MUC5B: variants seen among roughly 807,000 people sequenced by gnomAD.
The protein encoded by MUC5B is mucin 5B, oligomeric mucus/gel-forming.
In MUC5B, 116 loss-of-function variants were observed where a neutral mutation model predicts 376.9. The observed-to-expected ratio is 0.31, with a 90% CI of 0.26 to 0.36. The LOEUF is 0.36. MUC5B is among the 10% of genes least tolerant of loss of function. MUC5B has a pLI of 1.00. For missense variants in MUC5B, 7,165 were observed against 7,769.9 expected (o/e 0.92, Z 2.93); for synonymous variants, 3,517 against 3,390.9 (o/e 1.04, Z -1.29).
chr11:1,225,846 C>T, intron 2 of MUC5B, 109 bp downstream of exon 2: 8 of 1,091,650 alleles, frequency 7.3e-6, no homozygotes, highest in Non-Finnish European at 9.4e-6. Flanking sequence ...CTGACAGAGA[C>T]CCTCCCTGGG....
chr11:1,227,422 G>A, intron 6 of MUC5B, 24 bp downstream of exon 6: 1 of 1,568,050 alleles, frequency 6.4e-7, no homozygotes, highest in Non-Finnish European at 8.7e-7. Context: ...GGGTGAGGGG[G>A]CGGTGACCAA....
rs1404580695 is a variant in MUC5B, at chr11:1,243,379, A to G, written c.6499A>G (p.Thr2167Ala). The G allele has an allele frequency of 6.5e-7, 1 of 1,534,140 alleles. No individual in the cohort carries two copies. Among genetic ancestry groups the G allele is most frequent in the South Asian group, 1.2e-5 (1 of 85,934 alleles). The change falls in exon 31 of 49, where the codon ACC becomes GCC. Residue 2167 changes from threonine to alanine, a missense_variant. Physicochemically the swap from Thr to Ala is moderately conservative, Grantham distance 58 (BLOSUM62 0). Around this residue, in one of 31 missense-constraint regions of MUC5B, gnomAD observed 897 missense variants for 779.6 expected, o/e 1.15. Transcript: ENST00000529681. ...PIPPVLTTTA[T>A]TPAATSNTVT... ...CCCCCCAGTGCTGACCACCACCGCC[A>G]CCACACCTGCAGCCACCAGCAACAC...
At chr11:1,231,387 C>A (rs1422040787) in intron 13 of MUC5B, 36 bp from the exon 14 acceptor site, 3 of 1,585,282 alleles carry the variant, frequency 1.9e-6, no homozygotes, top group Non-Finnish European at 1.7e-6. Context: ...TCTGTCCCTG[C>A]ACCCCTGACC....
chr11:1,226,733 C>T lies in MUC5B; in HGVS notation c.318C>T (p.His106=), dbSNP rs1483652955. Residue 106 remains histidine, a synonymous_variant, in exon 4 of 49, where the codon CAC becomes CAT. Transcript: ENST00000529681. Reference sequence around the variant, plus strand: ...TTTGCAACTACGTGTTCTCTGAGCACTGCCGCGCCGCCTACGAGGACTTCA... The same window carrying T: ...TTTGCAACTACGTGTTCTCTGAGCATTGCCGCGCCGCCTACGAGGACTTCA... ...PGLCNYVFSE[H]CRAAYEDFNV... 2 of 1,612,680 alleles carry T rather than the reference C, an allele frequency of 1.2e-6. No homozygotes were observed. The highest frequency in any genetic ancestry group is 2.7e-5 in the African/African-American group (2 of 74,942).
Position 1,255,363 on chromosome 11 carries a change from C to G in MUC5B, c.15891-20C>G. 6.3e-7 allele frequency: 1 copy of G among 1,575,810 alleles called. No homozygotes were observed. Among genetic ancestry groups the G allele is most frequent in the South Asian group, 1.1e-5 (1 of 87,266 alleles). On this transcript the variant is annotated intron_variant, in intron 36 of 48. Coordinates refer to ENST00000529681, the MANE Select transcript of MUC5B (RefSeq NM_002458.3). The stretch of plus-strand genomic sequence containing the variant: ...TCCCTGGGGCTGGGGGCCCTCCGTC[C>G]TGATCGCTTTGCCCCACAGGGTCTT...
In MUC5B at chr11:1,234,111, C is replaced by G. The variant is rs1862102445; in HGVS notation, c.2378-94C>G. 1 of 1,089,056 alleles carries G rather than the reference C, an allele frequency of 9.2e-7. No individual in the cohort carries two copies. The highest frequency in any genetic ancestry group is 1.4e-6 in the Non-Finnish European group (1 of 736,866). The allele number at this position is 1,089,056 out of a possible 1,614,324, so 67.5% of individuals were successfully genotyped here. On this transcript the variant is annotated intron_variant, in intron 19 of 48. Coordinates refer to ENST00000529681, the MANE Select transcript of MUC5B (RefSeq NM_002458.3). The surrounding 1 kb of genome is among the most constrained non-coding windows in gnomAD (Gnocchi z 6.3). The stretch of plus-strand genomic sequence containing the variant: ...GAAGCTTTGGCTCGGGGGCTGTTAA[C>G]TTGATCAGCAGGACAGGCTCAGGGC...
chr11:1,255,227 C>G lies in MUC5B; in HGVS notation c.15851C>G (p.Pro5284Arg), dbSNP rs761950465. 6.5e-7 allele frequency: 1 copy of G among 1,536,946 alleles called. No homozygotes were observed. The highest frequency in any genetic ancestry group is 8.8e-7 in the Non-Finnish European group (1 of 1,137,600). ...APVSSTPTPT[P>R]CPPQPLCDLM... ...GTGTCTAGCACACCCACCCCCACCCCATGCCCACCACAGCCGCTCTGTGAT... is the reference window on the plus strand; with the variant it reads ...GTGTCTAGCACACCCACCCCCACCCGATGCCCACCACAGCCGCTCTGTGAT... Residue 5284 changes from proline to arginine, a missense_variant, in exon 36 of 49, where the codon CCA (proline) becomes CGA (arginine). By Grantham distance (103) the Pro-to-Arg change is moderately radical (BLOSUM62 -2). This residue lies in a region of MUC5B where 842 missense variants were observed against 1,016.9 expected (regional missense o/e 0.83). Transcript: ENST00000529681.
chr11:1,246,925 C>A lies in MUC5B; in HGVS notation c.10045C>A (p.Pro3349Thr), dbSNP rs373612856. 7.2e-4 allele frequency: 1,166 copies of A among 1,610,742 alleles called. 1 individual carries two copies. The highest frequency in any genetic ancestry group is 9.2e-4 in the Non-Finnish European group (1,089 of 1,178,770). The change falls in exon 31 of 49, where the codon CCC becomes ACC. Residue 3349 changes from proline (P) to threonine (T), a missense_variant. Pro to Thr is a conservative substitution (Grantham distance 38). Transcript: ENST00000529681. ...TPTTRGSTVT[P>T]SSIPGTTHTA... The stretch of plus-strand genomic sequence containing the variant: ...CACAACCAGAGGCTCCACGGTGACC[C>A]CCTCCTCCATCCCGGGGACCACCCA...
Position 1,234,638 on chromosome 11 carries a change from C to A in MUC5B, c.2588C>A (p.Thr863Asn). The change falls in exon 21 of 49, where the codon ACC becomes AAC. Residue 863 changes from threonine (T) to asparagine (N), a missense_variant. Coordinates refer to ENST00000529681, the MANE Select transcript of MUC5B (RefSeq NM_002458.3). This position sits in a 1 kb window ranked among gnomAD's most constrained non-coding sequence, Gnocchi z 6.3. ...TGCCCCTGTGTGCACAACGAGGCCA[C>A]CTACAAGCCTGGAGAGACCATCAGG... ...EDCPCVHNEA[T>N]YKPGETIRVD... is the part of the protein sequence containing the mutation. 6.4e-7 allele frequency: 1 copy of A among 1,551,588 alleles called. No individual in the cohort carries two copies. Among genetic ancestry groups the A allele is most frequent in the Non-Finnish European group, 8.7e-7 (1 of 1,147,988 alleles).
chr11:1,254,665 C>T, intron 34 of MUC5B, 29 bp from the exon 35 acceptor site: 3 of 1,598,656 alleles, frequency 1.9e-6, no homozygotes, highest in South Asian at 1.1e-5. Flanking sequence ...CACTGCCTCC[C>T]AGCTCAGGGT....
intron 23 of MUC5B, 24 bp from the exon 24 acceptor site, chr11:1,236,362 C>T (rs775518212): frequency 1.4e-5 from 22 of 1,588,782 alleles, no homozygotes; most frequent in African/African-American, 4.0e-5. Flanking sequence ...GGTCGGCTTC[C>T]GGCAGCGTCT....
chr11:1,226,683 G>A lies in MUC5B; in HGVS notation c.268G>A (p.Gly90Ser), dbSNP rs769358306. The A allele has an allele frequency of 1.6e-5, 26 of 1,612,470 alleles. No individual in the cohort carries two copies. The highest frequency in any genetic ancestry group is 8.3e-5 in the Admixed American group (5 of 59,966). ...WGDFHYKTFDGDVFRFPGLCN... is the reference protein window; with the variant it reads ...WGDFHYKTFDSDVFRFPGLCN... ...TGACTTCCACTACAAGACCTTCGAC[G>A]GCGACGTCTTCCGCTTCCCTGGCCT... The change falls in exon 4 of 49, where the codon GGC (glycine) becomes AGC (serine). Residue 90 changes from glycine to serine, a missense_variant. Around this residue, in one of 31 missense-constraint regions of MUC5B, gnomAD observed 640 missense variants for 733.0 expected, o/e 0.87. Transcript: ENST00000529681.
In MUC5B at chr11:1,243,096, G is replaced by A. The variant is rs201698530; in HGVS notation, c.6216G>A (p.Thr2072=). The part of the protein sequence containing the change: ...TPSSSPGTAL[T]PPVWISTTTT... ...CCTCCAGCCCAGGGACGGCACTCAC[G>A]CCTCCAGTGTGGATCAGCACAACCA... is the stretch of plus-strand genomic sequence containing the variant. The change falls in exon 31 of 49, where the codon ACG becomes ACA. Residue 2072 remains threonine (T), a synonymous_variant. Coordinates refer to ENST00000529681, the MANE Select transcript of MUC5B (RefSeq NM_002458.3). The A allele has an allele frequency of 5.6e-6, 9 of 1,596,576 alleles. No individual in the cohort carries two copies. The highest frequency in any genetic ancestry group is 2.2e-5 in the East Asian group (1 of 44,704).
chr11:1,245,996 C>A lies in MUC5B; in HGVS notation c.9116C>A (p.Ala3039Asp). Residue 3039 changes from alanine (A) to aspartate (D), a missense_variant, in exon 31 of 49, where the codon GCC becomes GAC. Physicochemically the swap from Ala to Asp is moderately radical, Grantham distance 126. Transcript: ENST00000529681. ...ATTPTATSSK[A>D]TSSSSPRTAT... ...ACACCCACAGCCACCAGTTCCAAAG[C>A]CACTTCCTCCTCCAGTCCAAGGACT... 6.2e-7 allele frequency: 1 copy of A among 1,612,972 alleles called. No homozygotes were observed. Among genetic ancestry groups the A allele is most frequent in the Non-Finnish European group, 8.5e-7 (1 of 1,179,610 alleles).
chr11:1,232,592 G>A (rs1050969869), intron 16 of MUC5B, 48 bp downstream of exon 16: 3 of 1,602,180 alleles, frequency 1.9e-6, no homozygotes, highest in Admixed American at 1.7e-5. Context: ...ATGGGTGGGG[G>A]AGCCCTGGCA....
chr11:1,240,915 T>C lies in MUC5B; in HGVS notation c.4035T>C (p.Asn1345=), dbSNP rs371982852. Residue 1345 remains asparagine, a synonymous_variant, in exon 31 of 49, where the codon AAT becomes AAC. Coordinates refer to ENST00000529681, the MANE Select transcript of MUC5B (RefSeq NM_002458.3). ...REVCRWSSWY[N]GHRPEPGLGG... ...TCTGCCGCTGGTCCAGCTGGTACAATGGGCACCGCCCAGAGCCCGGCCTGG... is the reference window on the plus strand; with the variant it reads ...TCTGCCGCTGGTCCAGCTGGTACAACGGGCACCGCCCAGAGCCCGGCCTGG... 253 of 1,612,898 alleles carry C rather than the reference T, an allele frequency of 1.6e-4. No homozygotes were observed. The highest frequency in any genetic ancestry group is 2.0e-4 in the Non-Finnish European group (239 of 1,179,826).
Position 1,235,298 on chromosome 11 carries a change from C to A in MUC5B, c.2770-5C>A. ...CGGCCAGCAGCTTGTCTCTTTCTGG[C>A]CCAGGACTACTGTGGGGACAACACC... On this transcript the variant is annotated splice_region_variant and splice_polypyrimidine_tract_variant and intron_variant, in intron 22 of 48. Transcript: ENST00000529681. 6.2e-7 allele frequency: 1 copy of A among 1,612,088 alleles called. No homozygotes were observed. The highest frequency in any genetic ancestry group is 1.3e-5 in the African/African-American group (1 of 75,004).
Position 1,228,883 on chromosome 11 carries a change from C to T in MUC5B, c.976+118C>T. 2.9e-6 allele frequency: 3 copies of T among 1,046,530 alleles called. No individual in the cohort carries two copies. In the South Asian group the frequency reaches 5.1e-5, roughly 18 times the overall value. The allele number at this position is 1,046,530 out of a possible 1,614,324, so 64.8% of individuals were successfully genotyped here. A position where few individuals can be genotyped will look rare whatever the true frequency, so the allele number is the denominator to read the frequency against. ...GGACAGGGGTGGAGGGCAGAGGACCCACCCCAGGCATAGTGGGCAGAGGCC... is the reference window on the plus strand; with the variant it reads ...GGACAGGGGTGGAGGGCAGAGGACCTACCCCAGGCATAGTGGGCAGAGGCC... On this transcript the variant is annotated intron_variant, in intron 8 of 48. Transcript: ENST00000529681.
At chr11:1,226,972 TTGGG>T in intron 4 of MUC5B, 55 bp from the exon 5 acceptor site, 1 of 1,442,230 alleles carries the variant, frequency 6.9e-7, no homozygotes, top group Non-Finnish European at 9.5e-7. Flanking sequence ...TGGGGGGGGG[TTGGG>T]TGGGCAGGCA....
Sources: allele counts gnomAD v4.1 joint callset, GRCh38; gene constraint gnomAD v4.1.1; regional missense constraint gnomAD v4.1.1; non-coding constraint Gnocchi (gnomAD v3.1); transcripts MANE v1.5; gene names NCBI Gene and HGNC (gene_info 2026-07-23, HGNC 2026-07-21).